The following COL23A1 variants were observed in gnomAD, a reference collection of about 807,000 sequenced individuals.
The protein encoded by COL23A1 is collagen alpha-1(XXIII) chain.
In COL23A1, 97 loss-of-function variants were observed where a neutral mutation model predicts 99.3. That is an observed-to-expected ratio of 0.98 (90% CI 0.83 to 1.16). The LOEUF is 1.16. COL23A1 is among the 50% of genes most tolerant of loss of function. The pLI, the probability that COL23A1 is intolerant of heterozygous loss-of-function variation, is 0.00. For missense variants in COL23A1, 762 were observed against 757.4 expected, an observed-to-expected ratio of 1.01 and a Z score of -0.07; for synonymous variants, 320 against 308.2, an observed-to-expected ratio of 1.04 and a Z score of -0.40.
chr5:178,584,947 C>T (rs1237202916), intron 1 of COL23A1, among the ~76,000 whole-genome samples: 2 of 152,142 alleles, frequency 1.3e-5, no homozygotes, highest in Admixed American at 1.3e-4. Context: ...AAGCAATGTC[C>T]TAGAGTGCCA....
rs145072936 is a variant in COL23A1, at chr5:178,337,152, C to T, written c.362-30233G>A. 8.1e-3 allele frequency among the ~76,000 whole-genome samples: 1,240 copies of T among 152,344 alleles called. 15 individuals carry two copies. Among genetic ancestry groups the T allele is most frequent in the Non-Finnish European group, 9.2e-3 (624 of 68,032 alleles). ...GAAGTTGCACGTGTGGGCCACGACACATTGCGCCAGGCCGGCCTCGCTCAT... is the reference window on the plus strand; with the variant it reads ...GAAGTTGCACGTGTGGGCCACGACATATTGCGCCAGGCCGGCCTCGCTCAT... On this transcript the variant is annotated intron_variant, in intron 2 of 28. Transcript: ENST00000390654.
At chr5:178,489,418 T>C (rs2127966416) in intron 2 of COL23A1, among the ~76,000 whole-genome samples, 1 of 152,360 alleles carries the variant, frequency 6.6e-6, no homozygotes, top group South Asian at 2.1e-4. Context: ...CTGAGCCACG[T>C]TACCGGCTCC....
rs186076550 is a variant in COL23A1, at chr5:178,488,173, T to A, written c.361+72509A>T. On this transcript the variant is annotated intron_variant, in intron 2 of 28. Transcript: ENST00000390654. ...GACAAACCTGAGATGAAGCTCTTAT[T>A]TGGCAAGGTCTGGGTGATCTGGTGC... 4.6e-5 allele frequency among the ~76,000 whole-genome samples: 7 copies of A among 152,272 alleles called. No homozygotes were observed. In the East Asian group the frequency reaches 1.2e-3, roughly 25 times the overall value.
At chr5:178,432,171 T>TAGAA (rs1344015261) in intron 2 of COL23A1, among the ~76,000 whole-genome samples, 1 of 152,256 alleles carries the variant, frequency 6.6e-6, no homozygotes, top group Non-Finnish European at 1.5e-5. Context: ...AGGTAACTTA[T>TAGAA]AGAACCCTTT....
At chr5:178,464,186 A>G (rs984497760) in intron 2 of COL23A1, among the ~76,000 whole-genome samples, 3 of 152,144 alleles carry the variant, frequency 2.0e-5, no homozygotes, top group Non-Finnish European at 2.9e-5. Flanking sequence ...TCCCAAACTG[A>G]AATGCTATAC....
chr5:178,548,805 T>C (rs1302114330), intron 2 of COL23A1, among the ~76,000 whole-genome samples: 1 of 152,188 alleles, frequency 6.6e-6, no homozygotes, highest in African/African-American at 2.4e-5. Flanking sequence ...TTGCTTTCTA[T>C]ACAGAATTTT....
intron 2 of COL23A1, among the ~76,000 whole-genome samples, chr5:178,335,998 T>A (rs1373753331): frequency 2.6e-5 from 4 of 152,234 alleles, no homozygotes; most frequent in Non-Finnish European, 4.4e-5. Context: ...AGGTTCGTTT[T>A]GCCTTATCCA....
intron 2 of COL23A1, among the ~76,000 whole-genome samples, chr5:178,448,873 C>T (rs1309155022): frequency 6.6e-6 from 1 of 151,652 alleles, no homozygotes; most frequent in East Asian, 1.9e-4. Flanking sequence ...GCACCTTGAT[C>T]TTGGACTTCC....
intron 2 of COL23A1, among the ~76,000 whole-genome samples, chr5:178,521,264 T>C (rs1759924954): frequency 6.6e-6 from 1 of 152,158 alleles, no homozygotes; most frequent in Non-Finnish European, 1.5e-5. Flanking sequence ...CTAAAACTAT[T>C]TAAAGCTGGC....
chr5:178,257,536 G>A lies in COL23A1; in HGVS notation c.761C>T (p.Pro254Leu), dbSNP rs755057094. The change falls in exon 13 of 29, where the codon CCA (proline) becomes CTA (leucine). Residue 254 changes from proline (P) to leucine (L), a missense_variant. Physicochemically the swap from Pro to Leu is moderately conservative, Grantham distance 98. Transcript: ENST00000390654. ...GCAGATACTCACCTTGGGCCCTGGT[G>A]GTCCAGGCTGGCTTGGTGTCCCATC... ...GDDGTPSQPG[P>L]PGPKGEPGSM... The A allele has an allele frequency of 6.4e-6, 10 of 1,565,524 alleles. 1 individual carries two copies. The highest frequency in any genetic ancestry group is 5.7e-5 in the Admixed American group (3 of 52,820).
intron 5 of COL23A1, among the ~76,000 whole-genome samples, chr5:178,271,976 TCTCTGGG>T (rs1756314614): frequency 6.6e-6 from 1 of 152,172 alleles, no homozygotes; most frequent in Non-Finnish European, 1.5e-5. Flanking sequence ...TGTCCCTGCC[TCTCTGGG>T]CTTCCGCTGG....
intron 2 of COL23A1, among the ~76,000 whole-genome samples, chr5:178,385,944 T>C (rs1433289632): frequency 6.6e-6 from 1 of 152,202 alleles, no homozygotes; most frequent in Admixed American, 6.5e-5. Context: ...ACAGCTGACA[T>C]TTCTCGGGAA....
chr5:178,534,780 C>T (rs552894), intron 2 of COL23A1, among the ~76,000 whole-genome samples: 76,619 of 151,486 alleles, frequency 0.51, 19,756 homozygotes, highest in Non-Finnish European at 0.57. Flanking sequence ...CTCCAAAAAA[C>T]AAAAAAGAAC....
chr5:178,457,816 T>C (rs1003479774), intron 2 of COL23A1, among the ~76,000 whole-genome samples: 3 of 152,194 alleles, frequency 2.0e-5, no homozygotes, highest in Non-Finnish European at 4.4e-5. Context: ...TAAAAGATCA[T>C]GTTAAGTAAA....
intron 2 of COL23A1, among the ~76,000 whole-genome samples, chr5:178,347,439 T>C (rs920255728): frequency 1.4e-5 from 2 of 140,398 alleles, no homozygotes; most frequent in Admixed American, 1.4e-4. Flanking sequence ...GGGAGGGGTA[T>C]GGGGAGGGAT....
At chr5:178,248,799 G>A (rs950416933) in intron 19 of COL23A1, among the ~76,000 whole-genome samples, 12 of 152,226 alleles carry the variant, frequency 7.9e-5, no homozygotes, top group Non-Finnish European at 1.5e-4. Context: ...CAGCCGGGAC[G>A]GAGCTGGATG....
At chr5:178,454,840 G>C (rs1767678191) in intron 2 of COL23A1, among the ~76,000 whole-genome samples, 1 of 152,248 alleles carries the variant, frequency 6.6e-6, no homozygotes, top group Admixed American at 6.5e-5. Flanking sequence ...CAAATGGTGT[G>C]GGTTAAACGG....
chr5:178,240,195 G>A (rs1764317334), intron 27 of COL23A1, among the ~76,000 whole-genome samples: 1 of 152,170 alleles, frequency 6.6e-6, no homozygotes, highest in South Asian at 2.1e-4. Flanking sequence ...GGAGAGGAAC[G>A]AAGACTGACT....
intron 1 of COL23A1, among the ~76,000 whole-genome samples, chr5:178,564,104 A>G (rs1464447261): frequency 2.0e-5 from 3 of 152,208 alleles, no homozygotes; most frequent in Non-Finnish European, 4.4e-5. Flanking sequence ...GAAGGGGGAG[A>G]AGGATTTTAT....
Sources: gnomAD v4.1 joint callset for allele counts (sites outside exome capture counted in the v4.1 genomes callset) on GRCh38, gnomAD v4.1.1 for gene constraint, MANE v1.5 for transcripts, NCBI Gene and HGNC (gene_info 2026-07-23, HGNC 2026-07-21) for gene names.